CES3: variants seen among roughly 807,000 people sequenced by gnomAD.
CES3 encodes the protein carboxylesterase 3.
CES3 carries 49 observed loss-of-function variants against 57.6 expected under a neutral mutation model. The observed-to-expected ratio is 0.85, with a 90% confidence interval of 0.68 to 1.08. CES3 has a LOEUF of 1.08. CES3 is among the 50% of genes least tolerant of loss of function. The probability of loss-of-function intolerance (pLI) is 0.00; values close to 1 mark genes in which losing one functional copy is unlikely to be tolerated. For synonymous variants in CES3, 266 were observed against 281.6 expected (o/e 0.94, Z 0.55); for missense variants, 645 against 742.0 (o/e 0.87, Z 1.52).
rs749074225 is a variant in CES3, at chr16:66,963,102, C to T, written c.83-77C>T. 1 of 1,462,588 alleles carries T rather than the reference C, an allele frequency of 6.8e-7. No homozygotes were observed. The highest frequency in any genetic ancestry group is 9.6e-7 in the Non-Finnish European group (1 of 1,045,096). 90.6% of individuals were successfully genotyped at this position (1,462,588 alleles called of 1,614,324 possible). On this transcript the variant is annotated intron_variant, in intron 1 of 12. Transcript: ENST00000303334. This position sits in a 1 kb window ranked among gnomAD's most constrained non-coding sequence, Gnocchi z 4.9. ...GCTGTGTGGTAAGTACTGAGAACAG[C>T]CTGAGGGTTTGTCTTTCACTCCTTC...
intron 12 of CES3, 24 bp from the exon 13 acceptor site, chr16:66,972,830 T>C: frequency 6.2e-7 from 1 of 1,613,876 alleles, no homozygotes; most frequent in South Asian, 1.1e-5. Flanking sequence ...GAAGCCTTGG[T>C]CCTCATTCAT....
chr16:66,965,077 C>T (rs1344247712), intron 6 of CES3, among the ~76,000 whole-genome samples: 1 of 152,226 alleles, frequency 6.6e-6, no homozygotes, highest in Non-Finnish European at 1.5e-5. Flanking sequence ...CAGATCCCCA[C>T]CCTAGATCCT....
intron 8 of CES3, among the ~76,000 whole-genome samples, chr16:66,968,433 G>A (rs565951257): frequency 6.6e-6 from 1 of 152,244 alleles, no homozygotes; most frequent in South Asian, 2.1e-4. Context: ...CTCCCAAAAT[G>A]CTGGGATTAC....
Position 66,962,936 on chromosome 16 carries a change from G to C in CES3, c.83-243G>C, listed in dbSNP as rs138341112. ...AAAACAAAGAAATGGGCAAGTGGCT[G>C]GCCCCAAGGCACAAGGCCCTAGTGG... is the stretch of plus-strand genomic sequence containing the variant. On this transcript the variant is annotated intron_variant, in intron 1 of 12. Transcript: ENST00000303334. The C allele has an allele frequency of 2.2e-4, 151 of 682,638 alleles. No homozygotes were observed. In the African/African-American group the frequency reaches 2.4e-3, roughly 11 times the overall value. The allele number at this position is 682,638 out of a possible 1,614,324, so 42.3% of individuals were successfully genotyped here. A position where few individuals can be genotyped will look rare whatever the true frequency, so the allele number is the denominator to read the frequency against.
At chr16:66,965,579 A>C (rs1389669531) in intron 6 of CES3, among the ~76,000 whole-genome samples, 5 of 152,134 alleles carry the variant, frequency 3.3e-5, no homozygotes, top group Non-Finnish European at 7.4e-5. Context: ...TCTTGTATGG[A>C]CAACAGCATC....
rs766727486 is a variant in CES3 at position 66,966,343 on chromosome 16, C to G, written c.919C>G (p.Leu307Val). 9 of 1,613,410 alleles carry G rather than the reference C, an allele frequency of 5.6e-6. No homozygotes were observed. Among genetic ancestry groups the G allele is most frequent in the Non-Finnish European group, 6.8e-6 (8 of 1,179,846 alleles). Residue 307 changes from leucine (L) to valine (V), a missense_variant and splice_region_variant, in exon 7 of 13, where the codon CTG becomes GTG. By Grantham distance (32) the Leu-to-Val change is conservative. Coordinates refer to ENST00000303334, the MANE Select transcript of CES3 (RefSeq NM_024922.6). ...EGEELVLSKK[L>V]KNTIYPLTVD... ...AGAAGAGCTGGTCCTTAGCAAGAAG[C>G]TGGTATGGCCACCCTTTTGGGGATG...
intron 8 of CES3, among the ~76,000 whole-genome samples, chr16:66,968,429 A>G (rs893886906): frequency 3.3e-5 from 5 of 151,944 alleles, no homozygotes; most frequent in African/African-American, 7.3e-5. Context: ...TGGCCTCCCA[A>G]AATGCTGGGA....
chr16:66,963,593 TAGCCC>T lies in CES3; in HGVS notation c.394_398del (p.Pro132Ter). On this transcript the variant is annotated frameshift_variant, in exon 3 of 13. Coordinates refer to ENST00000303334, the MANE Select transcript of CES3 (RefSeq NM_024922.6). LOFTEE classifies it high-confidence loss of function. This position sits in a 1 kb window ranked among gnomAD's most constrained non-coding sequence, Gnocchi z 4.9. ...AGGACTGCCTGGTCCTCAACGTCTA[TAGCCC>T]AGCTGAGGTCCCCGCAGGGTCCGGT... is the stretch of plus-strand genomic sequence containing the variant. The T allele has an allele frequency of 6.2e-7, 1 of 1,614,196 alleles. No homozygotes were observed. Among genetic ancestry groups the T allele is most frequent in the Non-Finnish European group, 8.5e-7 (1 of 1,180,026 alleles).
intron 1 of CES3, chr16:66,962,949 A>G (rs1963670552): frequency 5.8e-6 from 4 of 693,502 alleles, no homozygotes; most frequent in African/African-American, 5.3e-5. Flanking sequence ...CCCAAGGCAC[A>G]AGGCCCTAGT....
chr16:66,970,323 G>C (rs904883211), intron 9 of CES3, among the ~76,000 whole-genome samples: 30 of 152,150 alleles, frequency 2.0e-4, no homozygotes, highest in Non-Finnish European at 3.5e-4. Context: ...GGCCAGGCTG[G>C]TCTCAAACTC....
At position 66,961,361 on chromosome 16, in the gene CES3, GC is replaced by G. The variant is rs1176534860; in HGVS notation, c.55del (p.Leu19SerfsTer18). The G allele has an allele frequency of 6.2e-7, 1 of 1,613,270 alleles. No homozygotes were observed. Among genetic ancestry groups the G allele is most frequent in the African/African-American group, 1.3e-5 (1 of 75,042 alleles). On this transcript the variant is annotated frameshift_variant, in exon 1 of 13. Coordinates refer to ENST00000303334, the MANE Select transcript of CES3 (RefSeq NM_024922.6). LOFTEE classifies it high-confidence loss of function. ...SGVLVGVVCLLLACPATATGP... is the reference protein window; with the variant it reads ...SGVLVGVVCLXLACPATATGP... ...GGGTCCTGGTCGGGGTGGTCTGTCT[GC>G]TCCTGGCATGCCCTGCCACAGCCAC...
intron 8 of CES3, 56 bp from the exon 9 acceptor site, chr16:66,969,623 G>A (rs944107009): frequency 4.5e-6 from 7 of 1,542,740 alleles, no homozygotes; most frequent in Non-Finnish European, 4.4e-6. Context: ...CCAGGGCTGG[G>A]AGTCGGGGTG....
At chr16:66,966,943 CT>C in intron 8 of CES3, 78 bp downstream of exon 8, 1 of 1,536,486 alleles carries the variant, frequency 6.5e-7, no homozygotes. Context: ...ACACTACAGC[CT>C]TGTGAACGGA....
rs748502371 is a variant in CES3, at chr16:66,966,309, G to C, written c.885G>C (p.Gln295His). ...CTGAGATGGTGCAGTGCCTTCAGCA[G>C]AAAGAAGGAGAAGAGCTGGTCCTTA... The part of the protein sequence containing the change: ...SPAEMVQCLQ[Q>H]KEGEELVLSK... Residue 295 changes from glutamine (Q) to histidine (H), a missense_variant, in exon 7 of 13, where the codon CAG becomes CAC. By Grantham distance (24) the Gln-to-His change is conservative. Coordinates refer to ENST00000303334, the MANE Select transcript of CES3 (RefSeq NM_024922.6). The C allele has an allele frequency of 1.9e-6, 3 of 1,613,784 alleles. No individual in the cohort carries two copies. The highest frequency in any genetic ancestry group is 2.5e-6 in the Non-Finnish European group (3 of 1,179,976).
chr16:66,972,581 C>A, intron 11 of CES3, 76 bp downstream of exon 11: 2 of 1,607,106 alleles, frequency 1.2e-6, no homozygotes, highest in South Asian at 1.1e-5. Flanking sequence ...TGCAGGAACA[C>A]GGGTCTCCAG....
At chr16:66,966,900 C>T (rs1409623112) in intron 8 of CES3, 35 bp downstream of exon 8, 1 of 1,611,690 alleles carries the variant, frequency 6.2e-7, no homozygotes, top group Non-Finnish European at 8.5e-7. Context: ...CTTCAAGGCC[C>T]TGCCCCAGCC....
rs570317973 is a variant in CES3, at chr16:66,963,448, G to T, written c.288-43G>T. 21 of 1,609,472 alleles carry T rather than the reference G, an allele frequency of 1.3e-5. No homozygotes were observed. Among genetic ancestry groups the T allele is most frequent in the South Asian group, 1.1e-5 (1 of 90,982 alleles). On this transcript the variant is annotated intron_variant, in intron 2 of 12. Coordinates refer to ENST00000303334, the MANE Select transcript of CES3 (RefSeq NM_024922.6). This position sits in a 1 kb window ranked among gnomAD's most constrained non-coding sequence, Gnocchi z 4.9. ...CAGGAGAATCCTGCTGCTGGGGCTT[G>T]TGGGGCTGAACAGCTGGACCTCAGG...
intron 9 of CES3, 42 bp from the exon 10 acceptor site, chr16:66,971,130 C>G: frequency 6.3e-7 from 1 of 1,582,950 alleles, no homozygotes; most frequent in Middle Eastern, 1.8e-4. Flanking sequence ...TCTGCCACAT[C>G]TGTGCACCCT....
rs766704739 is a variant in CES3 at position 66,963,465 on chromosome 16, G to A, written c.288-26G>A. The A allele has an allele frequency of 1.2e-6, 2 of 1,609,334 alleles. No homozygotes were observed. The highest frequency in any genetic ancestry group is 1.7e-6 in the Non-Finnish European group (2 of 1,176,140). The stretch of plus-strand genomic sequence containing the variant: ...TGGGGCTTGTGGGGCTGAACAGCTG[G>A]ACCTCAGGCCCACCCTTGGCCACAG... On this transcript the variant is annotated intron_variant, in intron 2 of 12. Coordinates refer to ENST00000303334, the MANE Select transcript of CES3 (RefSeq NM_024922.6). The surrounding 1 kb of genome is among the most constrained non-coding windows in gnomAD (Gnocchi z 4.9).
Sources: allele counts gnomAD v4.1 joint callset (sites outside exome capture counted in the v4.1 genomes callset), GRCh38; gene constraint gnomAD v4.1.1; non-coding constraint Gnocchi (gnomAD v3.1); transcripts MANE v1.5; gene names NCBI Gene and HGNC (gene_info 2026-07-23, HGNC 2026-07-21).